Variants in TBC1D32 observed in about 807,000 individuals in gnomAD.
TBC1D32 encodes TBC1 domain family member 32.
In TBC1D32, 151 loss-of-function variants were observed where a neutral mutation model predicts 170.3. That is an observed-to-expected ratio of 0.89 (90% CI 0.78 to 1.01). TBC1D32 has a LOEUF of 1.01. Ranked by LOEUF, TBC1D32 falls within the 50% of genes least tolerant of loss-of-function variation. The probability of loss-of-function intolerance (pLI) is 0.00; values close to 1 mark genes in which losing one functional copy is unlikely to be tolerated. For synonymous variants in TBC1D32, 498 were observed against 488.0 expected (o/e 1.02, Z -0.27); for missense variants, 1,464 against 1,457.1 (o/e 1.00, Z -0.08).
chr6:121,150,920 GTCTA>G (rs1355489591), intron 24 of TBC1D32, among the ~76,000 whole-genome samples: 3 of 152,036 alleles, frequency 2.0e-5, no homozygotes, highest in African/African-American at 4.8e-5. Context: ...CTGGCTAGTG[GTCTA>G]TCTATTTTGT....
chr6:121,084,229 G>T (rs1246494656), intron 31 of TBC1D32, among the ~76,000 whole-genome samples: 1 of 152,030 alleles, frequency 6.6e-6, no homozygotes, highest in African/African-American at 2.4e-5. Context: ...TCATTTATTT[G>T]CCTTCCAGGA....
At chr6:121,223,397 A>T (rs577325190) in intron 20 of TBC1D32, 45 bp from the exon 21 acceptor site, 2 of 1,312,472 alleles carry the variant, frequency 1.5e-6, no homozygotes, top group South Asian at 2.5e-5. Context: ...ACTTTTGTCA[A>T]CCACATCCAT....
chr6:121,211,022 A>C (rs1220780458), intron 21 of TBC1D32, among the ~76,000 whole-genome samples: 1 of 152,184 alleles, frequency 6.6e-6, no homozygotes, highest in Admixed American at 6.5e-5. Flanking sequence ...AGTACAATAT[A>C]AGCCAAGGCT....
At chr6:121,294,738 G>A in intron 10 of TBC1D32, 78 bp from the exon 11 acceptor site, 1 of 1,099,352 alleles carries the variant, frequency 9.1e-7, no homozygotes, top group Non-Finnish European at 1.4e-6. Context: ...AGTCAAAGCT[G>A]TAAAAATACT....
chr6:121,299,370 T>G, intron 10 of TBC1D32, 76 bp downstream of exon 10: 1 of 1,396,412 alleles, frequency 7.2e-7, no homozygotes, highest in Non-Finnish European at 9.6e-7. Context: ...CACACAACTT[T>G]GCATAGTCAA....
At chr6:121,095,627 G>C (rs1332595065) in intron 30 of TBC1D32, among the ~76,000 whole-genome samples, 2 of 152,094 alleles carry the variant, frequency 1.3e-5, no homozygotes, top group Admixed American at 6.6e-5. Flanking sequence ...AGTTTATTGC[G>C]AGTTTTTAGC....
chr6:121,239,015 C>T, intron 20 of TBC1D32, 55 bp downstream of exon 20: 5 of 976,626 alleles, frequency 5.1e-6, no homozygotes, highest in Non-Finnish European at 7.9e-6. Flanking sequence ...TGAACGAATT[C>T]ATTTCTGTGA....
intron 20 of TBC1D32, among the ~76,000 whole-genome samples, chr6:121,233,772 G>A (rs543205095): frequency 6.6e-6 from 1 of 152,010 alleles, no homozygotes; most frequent in African/African-American, 2.4e-5. Flanking sequence ...TGAATACCTT[G>A]GTTTTTTTGT....
intron 22 of TBC1D32, among the ~76,000 whole-genome samples, chr6:121,184,038 A>G (rs1788869853): frequency 6.6e-6 from 1 of 152,122 alleles, no homozygotes; most frequent in Non-Finnish European, 1.5e-5. Flanking sequence ...GTAACAAAAG[A>G]CATCATCAAT....
At chr6:121,266,941 C>T (rs962414322) in intron 15 of TBC1D32, among the ~76,000 whole-genome samples, 1 of 151,686 alleles carries the variant, frequency 6.6e-6, no homozygotes, top group African/African-American at 2.4e-5. Flanking sequence ...GGGAGAGTGT[C>T]AGGACAAATA....
intron 24 of TBC1D32, among the ~76,000 whole-genome samples, chr6:121,148,955 G>A (rs993859158): frequency 6.6e-6 from 1 of 152,172 alleles, no homozygotes; most frequent in Non-Finnish European, 1.5e-5. Context: ...CATTCTAACA[G>A]GCATGAGATG....
intron 15 of TBC1D32, among the ~76,000 whole-genome samples, chr6:121,267,128 A>G (rs865940545): frequency 7.6e-4 from 76 of 99,496 alleles, no homozygotes; most frequent in Non-Finnish European, 6.3e-4. Context: ...GTGCTCTTCT[A>G]AAAAAAAAAA....
At chr6:121,130,895 A>G (rs1182869022) in intron 25 of TBC1D32, among the ~76,000 whole-genome samples, 3 of 152,116 alleles carry the variant, frequency 2.0e-5, no homozygotes. Context: ...TTTATACTCA[A>G]ACTTTGGAGA....
intron 15 of TBC1D32, among the ~76,000 whole-genome samples, chr6:121,265,482 T>A (rs1214314224): frequency 6.6e-6 from 1 of 152,052 alleles, no homozygotes; most frequent in African/African-American, 2.4e-5. Flanking sequence ...ATGGCCATAC[T>A]GCCCAAAGTA....
intron 22 of TBC1D32, among the ~76,000 whole-genome samples, chr6:121,204,777 G>C (rs1032336900): frequency 4.8e-5 from 7 of 146,846 alleles, no homozygotes; most frequent in Non-Finnish European, 8.8e-5. Context: ...TACCAACCCA[G>C]GGAAGGTCAA....
intron 31 of TBC1D32, 134 bp from the exon 32 acceptor site, chr6:121,081,024 G>T: frequency 1.0e-6 from 1 of 954,386 alleles, no homozygotes. Context: ...GCCAGTAAAT[G>T]TGTCATTGCT....
intron 17 of TBC1D32, among the ~76,000 whole-genome samples, chr6:121,243,136 G>C (rs73526626): frequency 0.051 from 7,705 of 151,846 alleles, 367 homozygotes; most frequent in African/African-American, 0.12. Flanking sequence ...CAAAGCAATA[G>C]AGGAAAGAAG....
intron 15 of TBC1D32, among the ~76,000 whole-genome samples, chr6:121,273,501 G>GT (rs895294363): frequency 8.7e-5 from 13 of 149,226 alleles, no homozygotes; most frequent in African/African-American, 1.5e-4. Context: ...GGGGTTGGGG[G>GT]GGTTAGGGAT....
At chr6:121,113,304 T>A in intron 27 of TBC1D32, 127 bp from the exon 28 acceptor site, 1 of 541,844 alleles carries the variant, frequency 1.8e-6, no homozygotes, top group South Asian at 3.3e-5. Flanking sequence ...TACATGTTTC[T>A]GATGATTATG....
Sources: allele counts gnomAD v4.1 joint callset (sites outside exome capture counted in the v4.1 genomes callset), GRCh38; gene constraint gnomAD v4.1.1; transcripts MANE v1.5; gene names NCBI Gene and HGNC (gene_info 2026-07-23, HGNC 2026-07-21).